CCBE1: variants seen among roughly 807,000 people sequenced by gnomAD.
CCBE1 encodes collagen and calcium binding EGF domains 1.
A neutral mutation model predicts 50.0 loss-of-function variants in CCBE1; 37 were observed. The observed-to-expected ratio is 0.74, with a 90% CI of 0.57 to 0.97. The LOEUF (loss-of-function observed/expected upper bound fraction) is 0.97. Ranked by LOEUF, CCBE1 falls within the 50% of genes least tolerant of loss-of-function variation. CCBE1 has a pLI of 0.00. For synonymous variants in CCBE1, 234 were observed against 203.7 expected (o/e 1.15, Z -1.27); for missense variants, 538 against 523.8 (o/e 1.03, Z -0.26).
In CCBE1 at chr18:59,681,128, C is replaced by A. The variant is rs117497510; in HGVS notation, c.212+15501G>T. 7.9e-3 allele frequency among the ~76,000 whole-genome samples: 1,197 copies of A among 151,812 alleles called. 9 individuals carry two copies. The highest frequency in any genetic ancestry group is 0.034 in the Middle Eastern group (10 of 290). On this transcript the variant is annotated intron_variant, in intron 2 of 10. Transcript: ENST00000439986. ...TAAGTTGCATAGCTGTCTTGTGTCA[C>A]CATTTCCCTCGGAATCTTTAAACAG... is the stretch of plus-strand genomic sequence containing the variant.
At chr18:59,490,852 G>A (rs1437920098) in intron 2 of CCBE1, among the ~76,000 whole-genome samples, 2 of 152,114 alleles carry the variant, frequency 1.3e-5, no homozygotes, top group Non-Finnish European at 2.9e-5. Context: ...GATTTTAATG[G>A]AACAATTTTC....
At position 59,468,289 on chromosome 18, in the gene CCBE1, G is replaced by C. The variant is rs114168315; in HGVS notation, c.400+1184C>G. ...AGCTCCAGCTACTCAGGAGGCTCAG[G>C]TGGGAGGATCACAGGAGCACGGGAG... On this transcript the variant is annotated intron_variant, in intron 4 of 10. Coordinates refer to ENST00000439986, the MANE Select transcript of CCBE1 (RefSeq NM_133459.4). 6.4e-3 allele frequency among the ~76,000 whole-genome samples: 968 copies of C among 152,344 alleles called. 8 individuals are homozygous for C. Among genetic ancestry groups the C allele is most frequent in the African/African-American group, 0.022 (909 of 41,566 alleles).
At chr18:59,613,804 C>T (rs1599064187) in intron 2 of CCBE1, among the ~76,000 whole-genome samples, 1 of 149,134 alleles carries the variant, frequency 6.7e-6, no homozygotes, top group South Asian at 2.1e-4. Context: ...ACACTTGTAA[C>T]TCTAAACCTC....
intron 2 of CCBE1, among the ~76,000 whole-genome samples, chr18:59,655,018 C>T (rs988426990): frequency 3.4e-5 from 5 of 145,880 alleles, no homozygotes; most frequent in African/African-American, 5.1e-5. Flanking sequence ...ACCTGGGAGG[C>T]GGAGGTTGCA....
chr18:59,550,113 AC>A (rs1915859155), intron 2 of CCBE1, among the ~76,000 whole-genome samples: 1 of 151,956 alleles, frequency 6.6e-6, no homozygotes, highest in Non-Finnish European at 1.5e-5. Flanking sequence ...CACAAAAGTT[AC>A]CTGGAGACTG....
At chr18:59,643,716 G>A (rs918954352) in intron 2 of CCBE1, among the ~76,000 whole-genome samples, 1 of 152,188 alleles carries the variant, frequency 6.6e-6, no homozygotes, top group Admixed American at 6.5e-5. Flanking sequence ...AGCTACTCAG[G>A]AGGCTGAGGC....
At chr18:59,642,477 C>G (rs1474684751) in intron 2 of CCBE1, among the ~76,000 whole-genome samples, 2 of 151,972 alleles carry the variant, frequency 1.3e-5, no homozygotes, top group Non-Finnish European at 2.9e-5. Flanking sequence ...GAGACATCCT[C>G]TAGAAAAACT....
At chr18:59,636,679 C>A (rs1006709544) in intron 2 of CCBE1, among the ~76,000 whole-genome samples, 5 of 152,144 alleles carry the variant, frequency 3.3e-5, no homozygotes, top group African/African-American at 1.2e-4. Context: ...ACCAACAGAT[C>A]CTCACACTAA....
chr18:59,494,627 G>A (rs1913262053), intron 2 of CCBE1, among the ~76,000 whole-genome samples: 1 of 152,056 alleles, frequency 6.6e-6, no homozygotes. Context: ...ATTTATTTTT[G>A]TAGAGCTGCC....
intron 2 of CCBE1, among the ~76,000 whole-genome samples, chr18:59,618,706 G>A (rs1428889290): frequency 1.3e-5 from 2 of 152,104 alleles, no homozygotes; most frequent in Non-Finnish European, 2.9e-5. Context: ...GGGATTATAG[G>A]CATGAGCCAC....
At position 59,679,668 on chromosome 18, in the gene CCBE1, C is replaced by T. The variant is rs550751295; in HGVS notation, c.212+16961G>A. ...TTTTAATGATGATAATGCTGTGGGTCCCCAAAATCTAAGACAGGTCTCAGT... is the reference window on the plus strand; with the variant it reads ...TTTTAATGATGATAATGCTGTGGGTTCCCAAAATCTAAGACAGGTCTCAGT... On this transcript the variant is annotated intron_variant, in intron 2 of 10. Transcript: ENST00000439986. Among the ~76,000 whole-genome samples, 7 of 152,256 alleles carry T rather than the reference C, an allele frequency of 4.6e-5. No homozygotes were observed. In the South Asian group the frequency reaches 1.5e-3, roughly 32 times the overall value.
chr18:59,605,001 C>T (rs1332001723), intron 2 of CCBE1, among the ~76,000 whole-genome samples: 3 of 152,292 alleles, frequency 2.0e-5, no homozygotes, highest in South Asian at 2.1e-4. Context: ...GTCACTGCCA[C>T]CTACACCGTG....
intron 2 of CCBE1, among the ~76,000 whole-genome samples, chr18:59,486,487 A>G (rs1438770049): frequency 6.6e-6 from 1 of 152,194 alleles, no homozygotes; most frequent in African/African-American, 2.4e-5. Flanking sequence ...AAATAATGAA[A>G]ACCAGAAATA....
intron 2 of CCBE1, among the ~76,000 whole-genome samples, chr18:59,590,879 TGTAA>T (rs139888094): frequency 0.014 from 2,050 of 151,824 alleles, 54 homozygotes; most frequent in African/African-American, 0.047. Context: ...GGATCTGAGG[TGTAA>T]GTGTGAAAAT....
chr18:59,607,973 A>C (rs1599058246), intron 2 of CCBE1, among the ~76,000 whole-genome samples: 1 of 151,370 alleles, frequency 6.6e-6, no homozygotes, highest in Non-Finnish European at 1.5e-5. Context: ...CTACTCAGGA[A>C]GCTGAGGCAG....
intron 2 of CCBE1, among the ~76,000 whole-genome samples, chr18:59,582,803 A>G (rs1162763054): frequency 1.3e-5 from 2 of 152,164 alleles, no homozygotes; most frequent in Non-Finnish European, 2.9e-5. Flanking sequence ...AAAAAGTCAA[A>G]CTTTCGGAGA....
At chr18:59,512,450 T>C (rs923295051) in intron 2 of CCBE1, among the ~76,000 whole-genome samples, 3 of 152,268 alleles carry the variant, frequency 2.0e-5, no homozygotes, top group Admixed American at 6.5e-5. Flanking sequence ...GCCTGCTGCA[T>C]GCCCTGCAAG....
chr18:59,633,501 C>T lies in CCBE1; in HGVS notation c.212+63128G>A, dbSNP rs572848959. On this transcript the variant is annotated intron_variant, in intron 2 of 10. Transcript: ENST00000439986. Reference sequence around the variant, plus strand: ...TTCCTCTTGCTATTGCGCTCGGGCCCATGCCGAGAACAGAACATGGCCTTC... The same window carrying T: ...TTCCTCTTGCTATTGCGCTCGGGCCTATGCCGAGAACAGAACATGGCCTTC... Among the ~76,000 whole-genome samples, 11 of 152,340 alleles carry T rather than the reference C, an allele frequency of 7.2e-5. No individual in the cohort carries two copies. In the South Asian group the frequency reaches 2.3e-3, roughly 32 times the overall value.
intron 2 of CCBE1, among the ~76,000 whole-genome samples, chr18:59,665,754 T>G (rs1176702018): frequency 6.6e-6 from 1 of 152,174 alleles, no homozygotes; most frequent in Non-Finnish European, 1.5e-5. Context: ...GGTAAGCATT[T>G]CCCACTAAAA....
Sources: allele counts gnomAD v4.1 joint callset (sites outside exome capture counted in the v4.1 genomes callset), GRCh38; gene constraint gnomAD v4.1.1; transcripts MANE v1.5; gene names NCBI Gene and HGNC (gene_info 2026-07-23, HGNC 2026-07-21).